JAKMIP1: variants seen among roughly 807,000 people sequenced by gnomAD.
JAKMIP1 encodes janus kinase and microtubule interacting protein 1, also known as janus kinase and microtubule-interacting protein 1.
JAKMIP1 carries 33 observed loss-of-function variants against 113.0 expected under a neutral mutation model. That is an observed-to-expected ratio of 0.29 (90% CI 0.22 to 0.39). The LOEUF is 0.39. Among genes scored for constraint, JAKMIP1 ranks in the 10% least tolerant of loss-of-function variants. The pLI is 1.00. For synonymous variants in JAKMIP1, 480 were observed against 459.9 expected, an observed-to-expected ratio of 1.04 and a Z score of -0.56; for missense variants, 813 against 1,080.5, an observed-to-expected ratio of 0.75 and a Z score of 3.47.
At position 6,105,643 on chromosome 4, in the gene JAKMIP1, G is replaced by T; in HGVS notation, c.454C>A (p.Gln152Lys). 2 of 1,594,118 alleles carry T rather than the reference G, an allele frequency of 1.3e-6. No homozygotes were observed. Among genetic ancestry groups the T allele is most frequent in the Non-Finnish European group, 1.7e-6 (2 of 1,171,388 alleles). The change falls in exon 3 of 21, where the codon CAG becomes AAG. Residue 152 changes from glutamine (Q) to lysine (K), a missense_variant. Physicochemically the swap from Gln to Lys is moderately conservative, Grantham distance 53. This residue lies in a region of JAKMIP1 where 540 missense variants were observed against 653.9 expected (regional missense o/e 0.83). Transcript: ENST00000409021. ...GCCTTGAGCTCCAGGATCTCCTGCT[G>T]CAGCCGCAGGCGCTCTCCATCGAAG... ...RAFDGERLRL[Q>K]QEILELKAAR...
At chr4:6,047,109 A>T (rs1715097869) in intron 16 of JAKMIP1, among the ~76,000 whole-genome samples, 1 of 152,224 alleles carries the variant, frequency 6.6e-6, no homozygotes, top group East Asian at 1.9e-4. Flanking sequence ...AGCCACCAGG[A>T]TGCTCAGTGT....
At chr4:6,198,964 G>C (rs1227220907) in intron 1 of JAKMIP1, among the ~76,000 whole-genome samples, 1 of 152,238 alleles carries the variant, frequency 6.6e-6, no homozygotes, top group East Asian at 1.9e-4. Context: ...GGCTGAGGCT[G>C]CCCCTGCCCT....
chr4:6,182,701 A>C (rs115789614), intron 1 of JAKMIP1, among the ~76,000 whole-genome samples: 1 of 152,350 alleles, frequency 6.6e-6, no homozygotes, highest in African/African-American at 2.4e-5. Context: ...TAACAGCAGG[A>C]GCATCAGGAG....
At chr4:6,041,416 G>A (rs539004342) in intron 17 of JAKMIP1, among the ~76,000 whole-genome samples, 1 of 152,106 alleles carries the variant, frequency 6.6e-6, no homozygotes, top group African/African-American at 2.4e-5. Context: ...ACCACACCCT[G>A]CTCCTAGGCC....
At chr4:6,196,396 T>G (rs1346765498) in intron 1 of JAKMIP1, among the ~76,000 whole-genome samples, 1 of 152,136 alleles carries the variant, frequency 6.6e-6, no homozygotes, top group Non-Finnish European at 1.5e-5. Flanking sequence ...CCACCTGGCC[T>G]CAGAAAAGAA....
intron 1 of JAKMIP1, among the ~76,000 whole-genome samples, chr4:6,152,763 G>A (rs113715588): frequency 0.022 from 3,171 of 143,930 alleles, 54 homozygotes; most frequent in South Asian, 0.053. Flanking sequence ...CCAACATGGC[G>A]AAACTCTGTC....
intron 3 of JAKMIP1, among the ~76,000 whole-genome samples, chr4:6,090,702 C>T (rs552168905): frequency 5.3e-5 from 8 of 151,576 alleles, no homozygotes; most frequent in South Asian, 4.2e-4. Context: ...TGACCATGAC[C>T]GCCTTAGAAT....
rs1281824725 is a variant in JAKMIP1, at chr4:6,155,051, A to G, written c.-147-42054T>C. Among the ~76,000 whole-genome samples, 2 of 152,208 alleles carry G rather than the reference A, an allele frequency of 1.3e-5. No individual in the cohort carries two copies. Among genetic ancestry groups the G allele is most frequent in the Non-Finnish European group, 2.9e-5 (2 of 68,032 alleles). ...AAGCTCATTCCCGAGCAGTGGGAAG[A>G]CAGTCGGGAGATGCCAGCCCAGCCT... On this transcript the variant is annotated intron_variant, in intron 1 of 20. Transcript: ENST00000409021. This position sits in a 1 kb window ranked among gnomAD's most constrained non-coding sequence, Gnocchi z 6.1.
At chr4:6,062,750 G>A (rs927267036) in intron 9 of JAKMIP1, among the ~76,000 whole-genome samples, 1 of 152,198 alleles carries the variant, frequency 6.6e-6, no homozygotes, top group Non-Finnish European at 1.5e-5. Context: ...GCAGGTGGGA[G>A]AGAAAGGGCT....
At position 6,093,475 on chromosome 4, in the gene JAKMIP1, CTGAT is replaced by C. The variant is rs1722367694; in HGVS notation, c.625-7850_625-7847del. 6.6e-6 allele frequency among the ~76,000 whole-genome samples: 1 copy of C among 152,182 alleles called. No homozygotes were observed. Among genetic ancestry groups the C allele is most frequent in the Admixed American group, 6.5e-5 (1 of 15,282 alleles). ...TAAACAGTGTCCAGCTCCCATTAAA[CTGAT>C]TGTTTACTATTAACATGCAGCAATT... is the stretch of plus-strand genomic sequence containing the variant. On this transcript the variant is annotated intron_variant, in intron 3 of 20. Transcript: ENST00000409021. This position sits in a 1 kb window ranked among gnomAD's most constrained non-coding sequence, Gnocchi z 4.6.
At chr4:6,079,320 G>A (rs1191493724) in intron 7 of JAKMIP1, among the ~76,000 whole-genome samples, 2 of 152,176 alleles carry the variant, frequency 1.3e-5, no homozygotes, top group Non-Finnish European at 2.9e-5. Flanking sequence ...GAATGGGTGA[G>A]TGGATGGATG....
rs1727938899 is a variant in JAKMIP1, at chr4:6,197,084, G to C, written c.-148+3169C>G. Among the ~76,000 whole-genome samples the C allele has an allele frequency of 1.3e-5, 2 of 152,212 alleles. No homozygotes were observed. Among genetic ancestry groups the C allele is most frequent in the Non-Finnish European group, 2.9e-5 (2 of 68,042 alleles). ...CCCTGTGTGGTGCCCGTGCAGCAAAGATGAGATAACCCGAGGCAGAAGCGG... is the reference window on the plus strand; with the variant it reads ...CCCTGTGTGGTGCCCGTGCAGCAAACATGAGATAACCCGAGGCAGAAGCGG... On this transcript the variant is annotated intron_variant, in intron 1 of 20. Transcript: ENST00000409021. This position sits in a 1 kb window ranked among gnomAD's most constrained non-coding sequence, Gnocchi z 6.5.
intron 1 of JAKMIP1, among the ~76,000 whole-genome samples, chr4:6,115,790 CA>C (rs1715657261): frequency 6.6e-6 from 1 of 152,200 alleles, no homozygotes; most frequent in Non-Finnish European, 1.5e-5. Flanking sequence ...GAAGAGAAAG[CA>C]AAAGGACCAC....
In JAKMIP1 at chr4:6,183,162, C is replaced by T. The variant is rs999420548; in HGVS notation, c.-148+17091G>A. Among the ~76,000 whole-genome samples the T allele has an allele frequency of 6.6e-6, 1 of 152,120 alleles. No individual in the cohort carries two copies. The highest frequency in any genetic ancestry group is 2.4e-5 in the African/African-American group (1 of 41,420). ...TAGACACACAGATACAGGTGCCCTG[C>T]GAAGGGGTGCTGGCTGATGTCTAAA... is the stretch of plus-strand genomic sequence containing the variant. On this transcript the variant is annotated intron_variant, in intron 1 of 20. Coordinates refer to ENST00000409021, the MANE Select transcript of JAKMIP1 (RefSeq NM_001099433.2). The surrounding 1 kb of genome is among the most constrained non-coding windows in gnomAD (Gnocchi z 5.3).
At chr4:6,047,397 G>A (rs924663332) in intron 16 of JAKMIP1, among the ~76,000 whole-genome samples, 2 of 152,240 alleles carry the variant, frequency 1.3e-5, no homozygotes, top group Admixed American at 6.5e-5. Context: ...AGGCAGCCAC[G>A]GAGGGTTTTG....
chr4:6,145,092 C>T (rs1291204084), intron 1 of JAKMIP1, among the ~76,000 whole-genome samples: 2 of 152,054 alleles, frequency 1.3e-5, no homozygotes, highest in African/African-American at 2.4e-5. Context: ...CAATGAACAA[C>T]GTGAAAATGA....
At position 6,060,595 on chromosome 4, in the gene JAKMIP1, C is replaced by T. The variant is rs1395274556; in HGVS notation, c.1561-88G>A. 9.4e-6 allele frequency: 9 copies of T among 954,200 alleles called. No individual in the cohort carries two copies. In the East Asian group the frequency reaches 1.9e-4, roughly 20 times the overall value. The allele number at this position is 954,200 out of a possible 1,614,324, so 59.1% of individuals were successfully genotyped here. A position where few individuals can be genotyped will look rare whatever the true frequency, so the allele number is the denominator to read the frequency against. On this transcript the variant is annotated intron_variant, in intron 10 of 20. Coordinates refer to ENST00000409021, the MANE Select transcript of JAKMIP1 (RefSeq NM_001099433.2). ...GCGTCATGCCCCAATGCAAGCAATG[C>T]CTAGGGTCCTTATAGGCAAACCTTA...
At chr4:6,190,959 T>A (rs1394584728) in intron 1 of JAKMIP1, among the ~76,000 whole-genome samples, 2 of 152,132 alleles carry the variant, frequency 1.3e-5, no homozygotes, top group Non-Finnish European at 2.9e-5. Context: ...ATCCTGAGAG[T>A]CAACTGCCCT....
Position 6,050,623 on chromosome 4 carries a change from G to A in JAKMIP1, c.1863C>T (p.Asn621=). 2 of 1,577,090 alleles carry A rather than the reference G, an allele frequency of 1.3e-6. No individual in the cohort carries two copies. Among genetic ancestry groups the A allele is most frequent in the Non-Finnish European group, 1.7e-6 (2 of 1,160,904 alleles). ...FNLQITTFPE[N]HSSALQLFCH... is the part of the protein sequence containing the mutation. ...AGAACAGCTGGAGAGCGCTGCTGTGGTTCTCGGGGAAGGTGGTGATTTGGA... is the reference window on the plus strand; with the variant it reads ...AGAACAGCTGGAGAGCGCTGCTGTGATTCTCGGGGAAGGTGGTGATTTGGA... Residue 621 remains asparagine, a synonymous_variant, in exon 14 of 21, where the codon AAC becomes AAT. Transcript: ENST00000409021. This position sits in a 1 kb window ranked among gnomAD's most constrained non-coding sequence, Gnocchi z 7.4.
Sources: gnomAD v4.1 joint callset for allele counts (sites outside exome capture counted in the v4.1 genomes callset) on GRCh38, gnomAD v4.1.1 for gene constraint, gnomAD v4.1.1 regional missense constraint, Gnocchi (gnomAD v3.1) non-coding constraint, MANE v1.5 for transcripts, NCBI Gene and HGNC (gene_info 2026-07-23, HGNC 2026-07-21) for gene names.